The following DENND1B variants were observed in gnomAD, a reference collection of about 807,000 sequenced individuals.
DENND1B encodes DENN domain-containing protein 1B.
In DENND1B, 59 loss-of-function variants were observed where a neutral mutation model predicts 90.1. That is an observed-to-expected ratio of 0.65 (90% CI 0.53 to 0.81). DENND1B has a LOEUF of 0.81. Ranked by LOEUF, DENND1B falls within the 40% of genes least tolerant of loss-of-function variation. The pLI, the probability that DENND1B is intolerant of heterozygous loss-of-function variation, is 0.00. For synonymous variants in DENND1B, 337 were observed against 324.6 expected, an observed-to-expected ratio of 1.04 and a Z score of -0.41; for missense variants, 862 against 912.6, an observed-to-expected ratio of 0.94 and a Z score of 0.71.
intron 4 of DENND1B, 106 bp downstream of exon 4, chr1:197,674,014 G>T: frequency 1.3e-6 from 1 of 786,680 alleles, no homozygotes; most frequent in Non-Finnish European, 2.0e-6. Flanking sequence ...TTTGTGAGAA[G>T]CAATAAAGAG....
At chr1:197,750,304 T>G (rs1210830396) in intron 2 of DENND1B, among the ~76,000 whole-genome samples, 5 of 151,882 alleles carry the variant, frequency 3.3e-5, no homozygotes, top group Admixed American at 6.6e-5. Context: ...GACATAATCA[T>G]CAAGTACAAT....
intron 16 of DENND1B, chr1:197,552,437 T>A (rs1214221586): frequency 1.0e-6 from 1 of 985,166 alleles, no homozygotes; most frequent in African/African-American, 1.7e-5. Context: ...AATTATTAAT[T>A]GCCTAGATAA....
chr1:197,773,740 G>C (rs570932277), intron 1 of DENND1B, among the ~76,000 whole-genome samples: 1 of 152,152 alleles, frequency 6.6e-6, no homozygotes, highest in African/African-American at 2.4e-5. Context: ...ATTTCAAAAA[G>C]TGAACTGAAA....
intron 2 of DENND1B, among the ~76,000 whole-genome samples, chr1:197,725,362 C>T (rs1364872566): frequency 6.6e-6 from 1 of 151,996 alleles, no homozygotes; most frequent in East Asian, 1.9e-4. Context: ...AAAATAAATA[C>T]ATTTTCAGAA....
chr1:197,700,266 C>T (rs759074414), intron 3 of DENND1B, among the ~76,000 whole-genome samples: 8 of 152,080 alleles, frequency 5.3e-5, no homozygotes, highest in Admixed American at 2.0e-4. Flanking sequence ...GGTACCAAAA[C>T]AAACATATAG....
intron 15 of DENND1B, among the ~76,000 whole-genome samples, chr1:197,576,712 C>A (rs1231668654): frequency 2.0e-5 from 3 of 152,074 alleles, no homozygotes; most frequent in Admixed American, 6.5e-5. Context: ...TATGTATTCT[C>A]TTCTGCCATG....
chr1:197,728,776 A>G (rs1355470488), intron 2 of DENND1B, among the ~76,000 whole-genome samples: 8 of 152,196 alleles, frequency 5.3e-5, no homozygotes, highest in Non-Finnish European at 1.2e-4. Flanking sequence ...TCAGTGGCTC[A>G]CTACTGCTTA....
At chr1:197,716,383 A>T (rs2102245941) in intron 2 of DENND1B, among the ~76,000 whole-genome samples, 1 of 151,870 alleles carries the variant, frequency 6.6e-6, no homozygotes, top group Non-Finnish European at 1.5e-5. Context: ...AGAATAATAC[A>T]TTACAAATTT....
chr1:197,585,193 G>A (rs912171541), intron 14 of DENND1B, among the ~76,000 whole-genome samples: 1 of 152,076 alleles, frequency 6.6e-6, no homozygotes, highest in Non-Finnish European at 1.5e-5. Context: ...CTGGGAGCCC[G>A]ATAAATGTTT....
At chr1:197,572,463 C>G (rs950223968) in intron 15 of DENND1B, among the ~76,000 whole-genome samples, 1 of 152,242 alleles carries the variant, frequency 6.6e-6, no homozygotes, top group Non-Finnish European at 1.5e-5. Flanking sequence ...CCTACTGCCT[C>G]TATAGACTCC....
rs1667854552 is a variant in DENND1B at position 197,508,969 on chromosome 1, T to A, written c.*1491A>T. 1 of 151,640 alleles carries A rather than the reference T, an allele frequency of 6.6e-6. No individual in the cohort carries two copies. The highest frequency in any genetic ancestry group is 2.4e-5 in the African/African-American group (1 of 41,320). 9.4% of individuals were successfully genotyped at this position (151,640 alleles called of 1,614,324 possible). A position where few individuals can be genotyped will look rare whatever the true frequency, so the allele number is the denominator to read the frequency against. On this transcript the variant is annotated 3_prime_UTR_variant, in exon 23 of 23. Coordinates refer to ENST00000620048, the MANE Select transcript of DENND1B (RefSeq NM_001195215.2). ...CTTCTCTGCCCTAAAGAAGGGGAAT[T>A]ATGACTCCTCACTCCTGCATGTAGT...
chr1:197,595,270 C>A lies in DENND1B; in HGVS notation c.985G>T (p.Ala329Ser). The A allele has an allele frequency of 6.2e-7, 1 of 1,613,374 alleles. No homozygotes were observed. Among genetic ancestry groups the A allele is most frequent in the Non-Finnish European group, 8.5e-7 (1 of 1,179,470 alleles). Residue 329 changes from alanine to serine, a missense_variant, in exon 14 of 23, where the codon GCC (alanine) becomes TCC (serine). By Grantham distance (99) the Ala-to-Ser change is moderately conservative. Transcript: ENST00000620048. ...STATGDGVAR[A>S]FLRAQAALFG... is the part of the protein sequence containing the mutation. ...AAAGCAGCCTGTGCTCTAAGAAAGG[C>A]CCTAGCTACTCCATCACCCGTAGCT... is the stretch of plus-strand genomic sequence containing the variant.
At chr1:197,550,539 G>A (rs964138262) in intron 16 of DENND1B, among the ~76,000 whole-genome samples, 14 of 151,902 alleles carry the variant, frequency 9.2e-5, no homozygotes, top group African/African-American at 2.7e-4. Context: ...GGAAACCATC[G>A]TTCTCAGCAA....
At chr1:197,734,869 G>C (rs1662494771) in intron 2 of DENND1B, 1 of 984,798 alleles carries the variant, frequency 1.0e-6, no homozygotes, top group African/African-American at 1.7e-5. Flanking sequence ...AATAATCAAT[G>C]CTTATACATA....
chr1:197,536,330 C>T (rs115834485), intron 20 of DENND1B, among the ~76,000 whole-genome samples: 3,467 of 152,124 alleles, frequency 0.023, 57 homozygotes, highest in Non-Finnish European at 0.033. Context: ...TAATAAATGG[C>T]TTGATATTAT....
intron 3 of DENND1B, among the ~76,000 whole-genome samples, chr1:197,700,595 T>C (rs1658925266): frequency 6.6e-6 from 1 of 151,972 alleles, no homozygotes; most frequent in African/African-American, 2.4e-5. Flanking sequence ...AAAGCCAAAA[T>C]TGATAAATGA....
chr1:197,610,261 T>C (rs1185138575), intron 12 of DENND1B, among the ~76,000 whole-genome samples: 1 of 150,700 alleles, frequency 6.6e-6, no homozygotes, highest in African/African-American at 2.4e-5. Flanking sequence ...TTAGAATGGA[T>C]TATTCTCTAA....
intron 13 of DENND1B, among the ~76,000 whole-genome samples, chr1:197,600,608 A>G (rs1425548905): frequency 1.3e-5 from 2 of 151,880 alleles, no homozygotes; most frequent in African/African-American, 2.4e-5. Context: ...ATACATTTCT[A>G]TTTTGATCTA....
intron 5 of DENND1B, among the ~76,000 whole-genome samples, chr1:197,669,197 A>G (rs1165178831): frequency 1.3e-5 from 2 of 152,038 alleles, no homozygotes; most frequent in African/African-American, 4.8e-5. Context: ...CATTTTCATC[A>G]TTATGTGCTC....
Sources: allele counts gnomAD v4.1 joint callset (sites outside exome capture counted in the v4.1 genomes callset), GRCh38; gene constraint gnomAD v4.1.1; transcripts MANE v1.5; gene names NCBI Gene and HGNC (gene_info 2026-07-23, HGNC 2026-07-21).